The following NKAIN3 variants were observed in gnomAD, a reference collection of about 807,000 sequenced individuals.
The protein encoded by NKAIN3 is sodium/potassium-transporting ATPase subunit beta-1-interacting protein 3.
Under a neutral mutation model 30.2 loss-of-function variants are expected in NKAIN3, and 25 were observed. The observed-to-expected ratio is 0.83, with a 90% CI of 0.60 to 1.16. The LOEUF is 1.16. Ranked by LOEUF, NKAIN3 falls within the 50% of genes most tolerant of loss-of-function variation. The probability of loss-of-function intolerance (pLI) is 0.00; values close to 1 mark genes in which losing one functional copy is unlikely to be tolerated. For missense variants in NKAIN3, 225 were observed against 254.1 expected, an observed-to-expected ratio of 0.89 and a Z score of 0.78; for synonymous variants, 91 against 89.6, an observed-to-expected ratio of 1.02 and a Z score of -0.09.
chr8:62,952,931 A>C (rs1341973171), intron 5 of NKAIN3, among the ~76,000 whole-genome samples: 4 of 152,172 alleles, frequency 2.6e-5, no homozygotes, highest in Non-Finnish European at 4.4e-5. Flanking sequence ...ATAGAAGTTG[A>C]TTTGAGAAGT....
At chr8:62,431,771 T>G (rs72651505) in intron 1 of NKAIN3, among the ~76,000 whole-genome samples, 1 of 151,244 alleles carries the variant, frequency 6.6e-6, no homozygotes, top group Non-Finnish European at 1.5e-5. Context: ...TTGTTACCAG[T>G]CGGTAGTAAC....
intron 1 of NKAIN3, among the ~76,000 whole-genome samples, chr8:62,350,300 A>G (rs1816139953): frequency 6.6e-6 from 1 of 152,210 alleles, no homozygotes; most frequent in South Asian, 2.1e-4. Context: ...AAGGAATGTA[A>G]TTTCAATACA....
chr8:62,959,253 G>A (rs765351732), intron 6 of NKAIN3, among the ~76,000 whole-genome samples: 8 of 152,060 alleles, frequency 5.3e-5, no homozygotes, highest in Non-Finnish European at 1.2e-4. Flanking sequence ...CTGACAATCC[G>A]GGTACACAGG....
chr8:62,923,293 C>A (rs1288108032), intron 5 of NKAIN3, among the ~76,000 whole-genome samples: 1 of 151,840 alleles, frequency 6.6e-6, no homozygotes, highest in Non-Finnish European at 1.5e-5. Flanking sequence ...CCACTGCACT[C>A]CAGCCTGGCT....
intron 1 of NKAIN3, among the ~76,000 whole-genome samples, chr8:62,329,176 G>A (rs542229321): frequency 6.1e-4 from 92 of 152,048 alleles, no homozygotes; most frequent in Middle Eastern, 3.4e-3. Flanking sequence ...AGCCTCATCA[G>A]TGGCCTTGAG....
chr8:62,806,349 G>A (rs1356611342), intron 4 of NKAIN3, among the ~76,000 whole-genome samples: 1 of 152,148 alleles, frequency 6.6e-6, no homozygotes, highest in African/African-American at 2.4e-5. Context: ...AAAGACACAT[G>A]CATACGTATG....
chr8:62,345,437 GTATATATACACACATATGTA>G (rs1563942550), intron 1 of NKAIN3, among the ~76,000 whole-genome samples: 31 of 119,950 alleles, frequency 2.6e-4, no homozygotes, highest in African/African-American at 1.1e-3. Flanking sequence ...ACACATATAT[GTATATATACACACATATGTA>G]TATATACACA....
At chr8:62,604,474 G>T (rs1811067662) in intron 3 of NKAIN3, among the ~76,000 whole-genome samples, 1 of 152,088 alleles carries the variant, frequency 6.6e-6, no homozygotes, top group African/African-American at 2.4e-5. Flanking sequence ...GCTAGTTTTT[G>T]TCTGAAACTT....
chr8:62,570,993 C>T (rs552274542), intron 1 of NKAIN3, among the ~76,000 whole-genome samples: 185 of 152,144 alleles, frequency 1.2e-3, no homozygotes, highest in African/African-American at 3.2e-3. Context: ...CTCTAGCCTA[C>T]GAATTCATGT....
intron 3 of NKAIN3, among the ~76,000 whole-genome samples, chr8:62,599,103 G>A (rs904543018): frequency 1.3e-5 from 2 of 152,080 alleles, no homozygotes; most frequent in Admixed American, 6.6e-5. Flanking sequence ...TTATCAACTA[G>A]TAATGTATAT....
intron 5 of NKAIN3, among the ~76,000 whole-genome samples, chr8:62,922,340 A>G (rs1385029722): frequency 6.6e-6 from 1 of 152,162 alleles, no homozygotes; most frequent in East Asian, 1.9e-4. Context: ...CATTGGTGTG[A>G]GCTGAAAACT....
At chr8:62,853,617 T>G (rs931435823) in intron 4 of NKAIN3, among the ~76,000 whole-genome samples, 1 of 152,162 alleles carries the variant, frequency 6.6e-6, no homozygotes, top group Non-Finnish European at 1.5e-5. Context: ...TTAGTCTAGC[T>G]ATCAGTCTAT....
intron 4 of NKAIN3, among the ~76,000 whole-genome samples, chr8:62,823,835 C>T (rs1013314689): frequency 3.9e-5 from 6 of 152,256 alleles, no homozygotes; most frequent in African/African-American, 1.4e-4. Flanking sequence ...TCATTCCAAC[C>T]TTATTCGCTA....
chr8:62,900,099 A>G (rs1334867525), intron 4 of NKAIN3, among the ~76,000 whole-genome samples: 2 of 152,134 alleles, frequency 1.3e-5, no homozygotes, highest in Non-Finnish European at 2.9e-5. Flanking sequence ...TGATTTGAAC[A>G]TATTATTATG....
chr8:62,803,258 G>T (rs1334438524), intron 4 of NKAIN3, among the ~76,000 whole-genome samples: 1 of 152,086 alleles, frequency 6.6e-6, no homozygotes, highest in Non-Finnish European at 1.5e-5. Flanking sequence ...TCTGCACCAA[G>T]GGGACCTAAT....
intron 3 of NKAIN3, among the ~76,000 whole-genome samples, chr8:62,640,168 G>A (rs1404713591): frequency 1.3e-5 from 2 of 152,082 alleles, no homozygotes; most frequent in Admixed American, 1.3e-4. Flanking sequence ...TGGCAAGTAG[G>A]TGCCTGATAT....
intron 1 of NKAIN3, among the ~76,000 whole-genome samples, chr8:62,379,807 C>A (rs754999590): frequency 6.6e-6 from 1 of 152,044 alleles, no homozygotes; most frequent in African/African-American, 2.4e-5. Context: ...GAAAAAGGAG[C>A]CTTCATTTTT....
intron 3 of NKAIN3, among the ~76,000 whole-genome samples, chr8:62,648,871 G>A (rs1430681393): frequency 6.6e-6 from 1 of 152,164 alleles, no homozygotes; most frequent in Non-Finnish European, 1.5e-5. Context: ...CCACAGGTCA[G>A]TCAGTAAGCT....
At chr8:62,564,402 A>G (rs1275260681) in intron 1 of NKAIN3, among the ~76,000 whole-genome samples, 1 of 152,050 alleles carries the variant, frequency 6.6e-6, no homozygotes, top group East Asian at 1.9e-4. Flanking sequence ...AAACAGCTCC[A>G]AACCCGACCA....
Sources: gnomAD v4.1 joint callset for allele counts (sites outside exome capture counted in the v4.1 genomes callset) on GRCh38, gnomAD v4.1.1 for gene constraint, MANE v1.5 for transcripts, NCBI Gene and HGNC (gene_info 2026-07-23, HGNC 2026-07-21) for gene names.